The following PTPRK variants were observed in gnomAD, a reference collection of about 807,000 sequenced individuals.
PTPRK encodes the protein receptor-type tyrosine-protein phosphatase kappa.
PTPRK carries 75 observed loss-of-function variants against 178.0 expected under a neutral mutation model. That is an observed-to-expected ratio of 0.42 (90% CI 0.35 to 0.51). The LOEUF is 0.51. Ranked by LOEUF, PTPRK falls within the 20% of genes least tolerant of loss-of-function variation. The probability of loss-of-function intolerance (pLI) is 0.02; values close to 1 mark genes in which losing one functional copy is unlikely to be tolerated. For synonymous variants in PTPRK, 637 were observed against 620.6 expected (o/e 1.03, Z -0.39); for missense variants, 1,441 against 1,797.8 (o/e 0.80, Z 3.59).
chr6:128,180,814 T>G (rs2114683513), intron 7 of PTPRK, among the ~76,000 whole-genome samples: 1 of 152,248 alleles, frequency 6.6e-6, no homozygotes, highest in East Asian at 1.9e-4. Flanking sequence ...TTTTAAAATG[T>G]ACATCTCTTC....
chr6:128,264,890 A>G (rs1818718511), intron 3 of PTPRK, among the ~76,000 whole-genome samples: 1 of 152,106 alleles, frequency 6.6e-6, no homozygotes, highest in Admixed American at 6.6e-5. Context: ...TTAAAATGGG[A>G]ATTTCCCTGC....
At chr6:128,302,647 G>A (rs1405563237) in intron 3 of PTPRK, among the ~76,000 whole-genome samples, 1 of 150,620 alleles carries the variant, frequency 6.6e-6, no homozygotes, top group Non-Finnish European at 1.5e-5. Flanking sequence ...TCAATATTGT[G>A]GTTTGTACTT....
intron 2 of PTPRK, among the ~76,000 whole-genome samples, chr6:128,395,327 C>A (rs1158335556): frequency 1.3e-5 from 2 of 152,118 alleles, no homozygotes; most frequent in African/African-American, 4.8e-5. Flanking sequence ...TACTTAATGT[C>A]CTATTAATTG....
chr6:128,392,551 T>C (rs1241098292), intron 2 of PTPRK, among the ~76,000 whole-genome samples: 1 of 152,164 alleles, frequency 6.6e-6, no homozygotes, highest in East Asian at 1.9e-4. Flanking sequence ...TATAGTAAAA[T>C]GGTCAAATAA....
At chr6:128,261,752 ACAG>A (rs1818218972) in intron 3 of PTPRK, among the ~76,000 whole-genome samples, 1 of 152,208 alleles carries the variant, frequency 6.6e-6, no homozygotes, top group Non-Finnish European at 1.5e-5. Context: ...AGCTCATTGA[ACAG>A]CAGAACTTTT....
At chr6:128,438,726 C>T (rs1355875051) in intron 1 of PTPRK, among the ~76,000 whole-genome samples, 2 of 152,172 alleles carry the variant, frequency 1.3e-5, no homozygotes, top group Non-Finnish European at 2.9e-5. Flanking sequence ...GTTCAGGCTG[C>T]AAGACTGAAA....
chr6:128,395,847 T>C (rs915527879), intron 2 of PTPRK, among the ~76,000 whole-genome samples: 2 of 152,154 alleles, frequency 1.3e-5, no homozygotes, highest in Admixed American at 6.5e-5. Flanking sequence ...CATTTCCTAC[T>C]CAATCACGGA....
intron 7 of PTPRK, among the ~76,000 whole-genome samples, chr6:128,124,851 T>C (rs1793080954): frequency 6.6e-6 from 1 of 152,214 alleles, no homozygotes; most frequent in African/African-American, 2.4e-5. Context: ...ACATTTGCCC[T>C]TAAAAATTCA....
chr6:128,479,728 GA>G (rs1176264980), intron 1 of PTPRK, among the ~76,000 whole-genome samples: 11 of 152,156 alleles, frequency 7.2e-5, no homozygotes, highest in Admixed American at 1.3e-4. Flanking sequence ...ATTAAAAGGA[GA>G]AAAAAGCTTT....
intron 13 of PTPRK, among the ~76,000 whole-genome samples, chr6:128,022,220 G>A (rs1773621707): frequency 6.6e-6 from 1 of 152,176 alleles, no homozygotes; most frequent in African/African-American, 2.4e-5. Flanking sequence ...GTGCCTGTTA[G>A]TGGCACAGTT....
chr6:128,352,972 TCA>T (rs564376275), intron 2 of PTPRK, among the ~76,000 whole-genome samples: 98 of 152,250 alleles, frequency 6.4e-4, no homozygotes, highest in African/African-American at 2.2e-3. Context: ...GTAGTCAAAC[TCA>T]CAGTTATTTA....
At chr6:128,508,955 A>G (rs1356403207) in intron 1 of PTPRK, among the ~76,000 whole-genome samples, 10 of 151,706 alleles carry the variant, frequency 6.6e-5, no homozygotes, top group South Asian at 4.2e-4. Flanking sequence ...CTCAAAAAAA[A>G]AAAAGAAAAG....
At chr6:128,145,726 T>C (rs1160556336) in intron 7 of PTPRK, among the ~76,000 whole-genome samples, 1 of 152,202 alleles carries the variant, frequency 6.6e-6, no homozygotes, top group African/African-American at 2.4e-5. Context: ...ATTATATTTA[T>C]GCCTTGAATA....
chr6:128,206,772 T>C lies in PTPRK; in HGVS notation c.868+12150A>G, dbSNP rs923418802. 5.9e-5 allele frequency among the ~76,000 whole-genome samples: 9 copies of C among 152,148 alleles called. No homozygotes were observed. The South Asian group carries it at 6.2e-4, about 10-fold the overall frequency. The stretch of plus-strand genomic sequence containing the variant: ...TGCTGTGACTATTCCAGCCACAATG[T>C]AGACATAGAATCCAATTATCTATTT... On this transcript the variant is annotated intron_variant, in intron 6 of 29. Coordinates refer to ENST00000368226, the MANE Select transcript of PTPRK (RefSeq NM_002844.4).
At chr6:128,017,800 G>GTGTATATATA (rs1779764771) in intron 13 of PTPRK, among the ~76,000 whole-genome samples, 1 of 30,062 alleles carries the variant, frequency 3.3e-5, no homozygotes, top group East Asian at 7.4e-4. Flanking sequence ...AAATATATAT[G>GTGTATATATA]TGTATATATA....
chr6:128,216,652 T>C (rs1376165154), intron 6 of PTPRK, among the ~76,000 whole-genome samples: 1 of 152,034 alleles, frequency 6.6e-6, no homozygotes, highest in Non-Finnish European at 1.5e-5. Context: ...TGGAAGAGCA[T>C]TGTAATGTAG....
intron 1 of PTPRK, among the ~76,000 whole-genome samples, chr6:128,424,379 T>C (rs1488768837): frequency 6.6e-6 from 1 of 152,210 alleles, no homozygotes; most frequent in African/African-American, 2.4e-5. Context: ...AGTTAATATC[T>C]GGAAGATGAA....
intron 3 of PTPRK, among the ~76,000 whole-genome samples, chr6:128,303,067 A>G (rs943416407): frequency 6.6e-6 from 1 of 152,172 alleles, no homozygotes; most frequent in Non-Finnish European, 1.5e-5. Flanking sequence ...ACCAGGCAAC[A>G]TGTCCGCCTT....
At chr6:128,148,891 G>A (rs1270069933) in intron 7 of PTPRK, among the ~76,000 whole-genome samples, 1 of 152,062 alleles carries the variant, frequency 6.6e-6, no homozygotes, top group African/African-American at 2.4e-5. Context: ...TTGGGGGAAT[G>A]AGACTTGGTT....
Sources: allele counts gnomAD v4.1 joint callset (sites outside exome capture counted in the v4.1 genomes callset), GRCh38; gene constraint gnomAD v4.1.1; transcripts MANE v1.5; gene names NCBI Gene and HGNC (gene_info 2026-07-23, HGNC 2026-07-21).